SPIRE1: variants seen among roughly 807,000 people sequenced by gnomAD.
SPIRE1 encodes the protein protein spire homolog 1.
In SPIRE1, 40 loss-of-function variants were observed where a neutral mutation model predicts 94.1. The observed-to-expected ratio is 0.43, with a 90% CI of 0.33 to 0.55. The LOEUF is 0.55. SPIRE1 is among the 20% of genes least tolerant of loss of function. The pLI is 0.06. For missense variants in SPIRE1, 838 were observed against 975.2 expected (o/e 0.86, Z 1.87); for synonymous variants, 376 against 371.7 (o/e 1.01, Z -0.13).
intron 2 of SPIRE1, among the ~76,000 whole-genome samples, chr18:12,616,840 T>C (rs1281175351): frequency 1.3e-5 from 2 of 152,206 alleles, no homozygotes; most frequent in African/African-American, 4.8e-5. Flanking sequence ...AACAATTCTT[T>C]GTATTCATTT....
intron 4 of SPIRE1, among the ~76,000 whole-genome samples, chr18:12,525,832 C>T (rs183025909): frequency 1.7e-3 from 256 of 152,142 alleles, no homozygotes; most frequent in Non-Finnish European, 2.7e-3. Flanking sequence ...GTTATAACTC[C>T]ATCTACTCAT....
upstream of SPIRE1, among the ~76,000 whole-genome samples, chr18:12,659,973 T>C (rs1256070227): frequency 6.6e-6 from 1 of 152,206 alleles, no homozygotes; most frequent in Non-Finnish European, 1.5e-5. Context: ...AAATACAGAC[T>C]GGTTTAAAAT....
At chr18:12,577,710 T>C (rs1022160240) in intron 2 of SPIRE1, among the ~76,000 whole-genome samples, 5 of 152,148 alleles carry the variant, frequency 3.3e-5, no homozygotes, top group African/African-American at 9.7e-5. Context: ...TTGGCTAAGA[T>C]CATGTGTAAA....
At chr18:12,576,032 C>T (rs957511345) in intron 2 of SPIRE1, among the ~76,000 whole-genome samples, 4 of 151,900 alleles carry the variant, frequency 2.6e-5, no homozygotes, top group Non-Finnish European at 5.9e-5. Context: ...GGAGAAACCC[C>T]GTCTCTACTA....
chr18:12,560,994 G>A (rs2035666394), intron 2 of SPIRE1, among the ~76,000 whole-genome samples: 1 of 152,150 alleles, frequency 6.6e-6, no homozygotes, highest in South Asian at 2.1e-4. Context: ...TGGATTGTTT[G>A]TAACACAAAG....
intron 8 of SPIRE1, among the ~76,000 whole-genome samples, chr18:12,490,326 C>T (rs913909558): frequency 1.3e-5 from 2 of 152,062 alleles, no homozygotes; most frequent in East Asian, 3.9e-4. Context: ...GATTGAATCA[C>T]TCATCAAAAA....
intron 2 of SPIRE1, among the ~76,000 whole-genome samples, chr18:12,627,585 T>C (rs1444204480): frequency 6.6e-6 from 1 of 152,204 alleles, no homozygotes; most frequent in Non-Finnish European, 1.5e-5. Context: ...AGTAATGGGA[T>C]CACTAGGTCA....
chr18:12,535,632 T>G lies in SPIRE1; in HGVS notation c.604-31A>C. The G allele has an allele frequency of 1.9e-6, 3 of 1,593,216 alleles. No individual in the cohort carries two copies. The South Asian group carries it at 3.3e-5, about 18-fold the overall frequency. On this transcript the variant is annotated intron_variant, in intron 3 of 16. Coordinates refer to ENST00000409402, the MANE Select transcript of SPIRE1 (RefSeq NM_001128626.2). ...GAAGGGGAAAATAAAATAATGGTGC[T>G]TGGTTACTATTTGGGTTTTTTTTGT... is the stretch of plus-strand genomic sequence containing the variant.
At chr18:12,485,106 CTTT>C (rs71371264) in intron 9 of SPIRE1, among the ~76,000 whole-genome samples, 3 of 133,904 alleles carry the variant, frequency 2.2e-5, no homozygotes, top group Non-Finnish European at 3.1e-5. Context: ...TTTTTATACT[CTTT>C]TTTTTTTTTT....
chr18:12,449,968 T>TAA, intron 16 of SPIRE1, 72 bp from the exon 17 acceptor site: 1 of 1,433,758 alleles, frequency 7.0e-7, no homozygotes, highest in South Asian at 1.3e-5. Context: ...AAAATATGTA[T>TAA]AAAAAAAAGT....
intron 2 of SPIRE1, among the ~76,000 whole-genome samples, chr18:12,560,625 C>T (rs750094056): frequency 3.9e-5 from 6 of 152,100 alleles, no homozygotes; most frequent in South Asian, 2.1e-4. Flanking sequence ...CCAAGGCGGG[C>T]GGATCACTTG....
At chr18:12,461,768 C>T (rs551744099) in intron 12 of SPIRE1, among the ~76,000 whole-genome samples, 113 of 152,164 alleles carry the variant, frequency 7.4e-4, no homozygotes, top group African/African-American at 2.4e-3. Context: ...GCTGGGATTA[C>T]GGGCATGCGC....
chr18:12,648,199 C>A (rs925855108), intron 1 of SPIRE1, among the ~76,000 whole-genome samples: 2 of 152,110 alleles, frequency 1.3e-5, no homozygotes, highest in African/African-American at 4.8e-5. Flanking sequence ...CTGGCCCTAT[C>A]CTTGAACGCA....
At chr18:12,542,522 T>C (rs542141052) in intron 3 of SPIRE1, among the ~76,000 whole-genome samples, 3 of 152,320 alleles carry the variant, frequency 2.0e-5, no homozygotes, top group African/African-American at 7.2e-5. Flanking sequence ...CCTTTTCAAT[T>C]CTTTCCATCT....
intron 1 of SPIRE1, among the ~76,000 whole-genome samples, chr18:12,655,905 GT>G (rs1408240430): frequency 6.6e-6 from 1 of 152,014 alleles, no homozygotes; most frequent in East Asian, 1.9e-4. Context: ...CGATATTGCT[GT>G]ATTTTTTTTT....
At position 12,498,646 on chromosome 18, in the gene SPIRE1, C is replaced by T. The variant is rs190876460; in HGVS notation, c.973-2544G>A. Among the ~76,000 whole-genome samples, 23 of 152,124 alleles carry T rather than the reference C, an allele frequency of 1.5e-4. No homozygotes were observed. In the East Asian group the frequency reaches 4.1e-3, roughly 27 times the overall value. ...TTTCTGAAATAATTTTCTTTTTTTG[C>T]GACACGGGCTTGTTCTATGACCCAG... On this transcript the variant is annotated intron_variant, in intron 6 of 16. Coordinates refer to ENST00000409402, the MANE Select transcript of SPIRE1 (RefSeq NM_001128626.2).
At chr18:12,645,904 C>T (rs8084601) in intron 1 of SPIRE1, among the ~76,000 whole-genome samples, 1,966 of 152,188 alleles carry the variant, frequency 0.013, 47 homozygotes, top group African/African-American at 0.046. Context: ...ACACATCCTC[C>T]GCTCCAGGCA....
intron 4 of SPIRE1, among the ~76,000 whole-genome samples, chr18:12,515,032 G>C (rs1421509000): frequency 6.6e-6 from 1 of 152,044 alleles, no homozygotes; most frequent in Admixed American, 6.6e-5. Context: ...AATGGAATGT[G>C]GGGTGGGGCT....
chr18:12,573,771 G>C (rs2036020309), intron 2 of SPIRE1, among the ~76,000 whole-genome samples: 1 of 149,716 alleles, frequency 6.7e-6, no homozygotes, highest in Non-Finnish European at 1.5e-5. Flanking sequence ...ACGGAGTTTT[G>C]CTCTGTTGCC....
Sources: allele counts gnomAD v4.1 joint callset (sites outside exome capture counted in the v4.1 genomes callset), GRCh38; gene constraint gnomAD v4.1.1; transcripts MANE v1.5; gene names NCBI Gene and HGNC (gene_info 2026-07-23, HGNC 2026-07-21).